Variants in TTLL11 observed in about 807,000 individuals in gnomAD.
TTLL11 encodes tubulin tyrosine ligase like 11, also known as tubulin polyglutamylase TTLL11.
A neutral mutation model predicts 51.7 loss-of-function variants in TTLL11; 42 were observed. The ratio of observed to expected loss-of-function variants is 0.81; its 90% CI spans 0.64 to 1.05. The LOEUF (loss-of-function observed/expected upper bound fraction) is 1.05, where lower values mean the gene tolerates loss of function less well. TTLL11 is among the 50% of genes least tolerant of loss of function. TTLL11 has a pLI of 0.00. For missense variants in TTLL11, 799 were observed against 940.4 expected, an observed-to-expected ratio of 0.85 and a Z score of 1.97; for synonymous variants, 381 against 383.5, an observed-to-expected ratio of 0.99 and a Z score of 0.08.
intron 2 of TTLL11, among the ~76,000 whole-genome samples, chr9:122,033,108 T>C (rs1282299745): frequency 1.3e-5 from 2 of 152,132 alleles, no homozygotes; most frequent in Non-Finnish European, 2.9e-5. Flanking sequence ...GCATCATCCT[T>C]ATTTCTTTTT....
rs112177616 is a variant in TTLL11 at position 121,857,597 on chromosome 9, C to G, written c.1840+2740G>C. Among the ~76,000 whole-genome samples, 120 of 152,350 alleles carry G rather than the reference C, an allele frequency of 7.9e-4. 1 individual carries two copies. The highest frequency in any genetic ancestry group is 2.8e-3 in the African/African-American group (115 of 41,582). On this transcript the variant is annotated intron_variant, in intron 8 of 8. Coordinates refer to ENST00000321582, the MANE Select transcript of TTLL11 (RefSeq NM_001139442.2). Reference sequence around the variant, plus strand: ...ACTATTCCACCTGGTGATGACTATTCCACCTAGTCAGGGGCTGAGGTCTGG... The same window carrying G: ...ACTATTCCACCTGGTGATGACTATTGCACCTAGTCAGGGGCTGAGGTCTGG...
chr9:121,822,316 A>G lies in TTLL11; in HGVS notation c.*271T>C. On this transcript the variant is annotated 3_prime_UTR_variant, in exon 9 of 9. Transcript: ENST00000321582. The surrounding 1 kb of genome is among the most constrained non-coding windows in gnomAD (Gnocchi z 5.8). ...GGTGCTTCCTGTGAGCCCAGAATAG[A>G]AGGTGCCATCTGTCACGTTTTAGAT... 3.6e-6 allele frequency: 1 copy of G among 274,286 alleles called. No individual in the cohort carries two copies. The highest frequency in any genetic ancestry group is 6.8e-6 in the Non-Finnish European group (1 of 147,580). 17.0% of individuals were successfully genotyped at this position (274,286 alleles called of 1,614,324 possible).
intron 6 of TTLL11, among the ~76,000 whole-genome samples, chr9:121,940,236 A>C (rs1395645622): frequency 1.3e-5 from 2 of 152,146 alleles, no homozygotes; most frequent in East Asian, 3.8e-4. Flanking sequence ...TTTCTAAATT[A>C]GGTGAAATTA....
chr9:122,048,076 C>T (rs1186675437), intron 1 of TTLL11, among the ~76,000 whole-genome samples: 1 of 152,190 alleles, frequency 6.6e-6, no homozygotes, highest in African/African-American at 2.4e-5. Flanking sequence ...CTCTCACCAG[C>T]CTCCTCCCCC....
intron 7 of TTLL11, among the ~76,000 whole-genome samples, chr9:121,869,418 A>G (rs1838276950): frequency 6.6e-6 from 1 of 152,230 alleles, no homozygotes; most frequent in Non-Finnish European, 1.5e-5. Context: ...GGGAAAAACA[A>G]CAGCAATACT....
At chr9:122,020,014 G>A (rs1350127526) in intron 3 of TTLL11, among the ~76,000 whole-genome samples, 1 of 152,186 alleles carries the variant, frequency 6.6e-6, no homozygotes, top group African/African-American at 2.4e-5. Flanking sequence ...GTGGAACTGT[G>A]AGTCCATTAA....
At chr9:122,040,261 CGCGTGAG>C (rs1263835220) in intron 1 of TTLL11, 3 of 740,456 alleles carry the variant, frequency 4.1e-6, no homozygotes, top group Non-Finnish European at 4.9e-6. Context: ...GCCTCAGACC[CGCGTGAG>C]CCTGTAAGAT....
At chr9:121,831,122 C>CA (rs1836991436) in intron 8 of TTLL11, among the ~76,000 whole-genome samples, 1 of 152,190 alleles carries the variant, frequency 6.6e-6, no homozygotes, top group Non-Finnish European at 1.5e-5. Flanking sequence ...CAATCTTATG[C>CA]AGGAGGGCCT....
chr9:121,861,148 T>C (rs1162352846), intron 7 of TTLL11, among the ~76,000 whole-genome samples: 1 of 151,562 alleles, frequency 6.6e-6, no homozygotes, highest in African/African-American at 2.4e-5. Flanking sequence ...AGTGCAGTAT[T>C]GTAATCTCGG....
intron 1 of TTLL11, among the ~76,000 whole-genome samples, chr9:122,071,748 C>T (rs1240685634): frequency 6.6e-6 from 1 of 152,206 alleles, no homozygotes; most frequent in Non-Finnish European, 1.5e-5. Flanking sequence ...TATTCCCCTA[C>T]TCACTCAGAG....
chr9:121,972,644 G>A (rs1842607134), intron 6 of TTLL11, among the ~76,000 whole-genome samples: 1 of 152,254 alleles, frequency 6.6e-6, no homozygotes. Context: ...TACTTCTTCA[G>A]GGTAATATTT....
chr9:121,971,462 C>T (rs374030661), intron 6 of TTLL11, among the ~76,000 whole-genome samples: 206 of 116,536 alleles, frequency 1.8e-3, no homozygotes, highest in East Asian at 4.4e-3. Flanking sequence ...TCAGCCCCCC[C>T]GCCCGGCCAG....
intron 8 of TTLL11, among the ~76,000 whole-genome samples, chr9:121,838,339 C>T (rs1222099282): frequency 6.6e-6 from 1 of 152,148 alleles, no homozygotes; most frequent in Non-Finnish European, 1.5e-5. Flanking sequence ...CAGCTGTCGT[C>T]CCTTGAAGCC....
chr9:121,989,344 T>C lies in TTLL11; in HGVS notation c.1120A>G (p.Arg374Gly). 1 of 1,614,186 alleles carries C rather than the reference T, an allele frequency of 6.2e-7. No homozygotes were observed. The highest frequency in any genetic ancestry group is 8.5e-7 in the Non-Finnish European group (1 of 1,180,034). Reference sequence around the variant, plus strand: ...ATGTCAACGCCTTTGGAAGACAGTCTACAAAGGATGCTGGAAAAAGTCCTT... The same window carrying C: ...ATGTCAACGCCTTTGGAAGACAGTCCACAAAGGATGCTGGAAAAAGTCCTT... ...SKRTFSSILCRLSSKGVDIKK... is the reference protein window; with the variant it reads ...SKRTFSSILCGLSSKGVDIKK... Residue 374 changes from arginine to glycine, a missense_variant, in exon 4 of 9, where the codon AGA becomes GGA. Around this residue, in one of 3 missense-constraint regions of TTLL11, gnomAD observed 468 missense variants for 612.8 expected, o/e 0.76. Transcript: ENST00000321582. The surrounding 1 kb of genome is among the most constrained non-coding windows in gnomAD (Gnocchi z 4.2).
At chr9:121,870,181 A>G (rs762277621) in intron 7 of TTLL11, among the ~76,000 whole-genome samples, 2 of 152,232 alleles carry the variant, frequency 1.3e-5, no homozygotes, top group Non-Finnish European at 2.9e-5. Context: ...GCCCAGTTTA[A>G]GAAGCACAAG....
At chr9:122,009,574 C>A (rs2131744896) in intron 3 of TTLL11, among the ~76,000 whole-genome samples, 1 of 151,454 alleles carries the variant, frequency 6.6e-6, no homozygotes, top group East Asian at 1.9e-4. Context: ...TGTACATAAA[C>A]ACATTTACTA....
intron 2 of TTLL11, among the ~76,000 whole-genome samples, chr9:122,036,354 T>G (rs1035729165): frequency 3.3e-5 from 5 of 151,836 alleles, no homozygotes; most frequent in Admixed American, 3.3e-4. Context: ...ACCCTGAAAC[T>G]CAGCAAAAGA....
chr9:121,896,267 C>T (rs1326222172), intron 6 of TTLL11, among the ~76,000 whole-genome samples: 3 of 152,034 alleles, frequency 2.0e-5, no homozygotes, highest in Non-Finnish European at 4.4e-5. Context: ...AAAGAATAGA[C>T]ACATTTCTTA....
At chr9:121,972,599 C>G (rs1447487902) in intron 6 of TTLL11, among the ~76,000 whole-genome samples, 1 of 152,242 alleles carries the variant, frequency 6.6e-6, no homozygotes, top group Non-Finnish European at 1.5e-5. Flanking sequence ...CTCAGCCGGG[C>G]CGGCGCCATC....
Sources: allele counts gnomAD v4.1 joint callset (sites outside exome capture counted in the v4.1 genomes callset), GRCh38; gene constraint gnomAD v4.1.1; regional missense constraint gnomAD v4.1.1; non-coding constraint Gnocchi (gnomAD v3.1); transcripts MANE v1.5; gene names NCBI Gene and HGNC (gene_info 2026-07-23, HGNC 2026-07-21).